USP13: variants seen among roughly 807,000 people sequenced by gnomAD.
USP13 encodes ubiquitin specific peptidase 13.
A neutral mutation model predicts 107.8 loss-of-function variants in USP13; 68 were observed. The observed-to-expected ratio is 0.63, with a 90% confidence interval of 0.52 to 0.77. The LOEUF (loss-of-function observed/expected upper bound fraction) is 0.77. Among genes scored for constraint, USP13 ranks in the 30% least tolerant of loss-of-function variants. The probability of loss-of-function intolerance (pLI) is 0.00; values close to 1 mark genes in which losing one functional copy is unlikely to be tolerated. For synonymous variants in USP13, 377 were observed against 389.5 expected (o/e 0.97, Z 0.38); for missense variants, 945 against 1,093.3 (o/e 0.86, Z 1.91).
intron 6 of USP13, among the ~76,000 whole-genome samples, chr3:179,719,060 C>T (rs1232496414): frequency 6.6e-6 from 1 of 152,182 alleles, no homozygotes; most frequent in Non-Finnish European, 1.5e-5. Context: ...GAAGCTACTG[C>T]TTTGAGTCCA....
At chr3:179,781,506 A>G (rs1224151733) in intron 19 of USP13, among the ~76,000 whole-genome samples, 1 of 150,894 alleles carries the variant, frequency 6.6e-6, no homozygotes, top group Non-Finnish European at 1.5e-5. Flanking sequence ...ATTTGAATTT[A>G]ACATCAGCTG....
chr3:179,754,875 A>G, intron 15 of USP13, 21 bp downstream of exon 15: 1 of 1,603,360 alleles, frequency 6.2e-7, no homozygotes, highest in Non-Finnish European at 8.5e-7. Context: ...CTGCCAGGAG[A>G]ATATGCGCTA....
At chr3:179,696,054 GT>G (rs1423095960) in intron 3 of USP13, among the ~76,000 whole-genome samples, 1 of 151,944 alleles carries the variant, frequency 6.6e-6, no homozygotes, top group Non-Finnish European at 1.5e-5. Context: ...TAAAGCTGGA[GT>G]TTTTTTTAGT....
chr3:179,747,098 C>G (rs1473771123), intron 13 of USP13, among the ~76,000 whole-genome samples: 1 of 152,086 alleles, frequency 6.6e-6, no homozygotes, highest in Non-Finnish European at 1.5e-5. Flanking sequence ...CCTAGGACTG[C>G]TCAGTTGTAG....
intron 6 of USP13, among the ~76,000 whole-genome samples, chr3:179,713,993 T>G (rs1028329482): frequency 6.6e-6 from 1 of 152,132 alleles, no homozygotes; most frequent in Admixed American, 6.5e-5. Flanking sequence ...TGGGTCCCCA[T>G]GGGTACAGCA....
intron 4 of USP13, among the ~76,000 whole-genome samples, chr3:179,706,027 T>G (rs1712701033): frequency 6.6e-6 from 1 of 152,126 alleles, no homozygotes; most frequent in Admixed American, 6.5e-5. Flanking sequence ...CCGGCCCCAT[T>G]TTTTTGATTA....
intron 17 of USP13, among the ~76,000 whole-genome samples, chr3:179,761,762 A>G (rs2108535470): frequency 6.6e-6 from 1 of 152,244 alleles, no homozygotes; most frequent in Non-Finnish European, 1.5e-5. Flanking sequence ...AAAAACCCCA[A>G]ACAGCTTTAT....
chr3:179,704,646 G>A (rs1382577901), intron 4 of USP13, among the ~76,000 whole-genome samples: 3 of 152,204 alleles, frequency 2.0e-5, no homozygotes, highest in African/African-American at 4.8e-5. Context: ...CCTGGAAGGG[G>A]CTTGTGGTGA....
intron 20 of USP13, among the ~76,000 whole-genome samples, chr3:179,782,316 C>G (rs2108558376): frequency 6.6e-6 from 1 of 152,326 alleles, no homozygotes; most frequent in Non-Finnish European, 1.5e-5. Context: ...ACCTGATACT[C>G]AGATGTAACT....
chr3:179,775,512 G>A (rs944522855), intron 19 of USP13, among the ~76,000 whole-genome samples: 9 of 152,390 alleles, frequency 5.9e-5, no homozygotes, highest in East Asian at 3.9e-4. Context: ...TCCGCGCCAC[G>A]CGCCTGCACT....
At chr3:179,728,427 G>C (rs1026126736) in intron 8 of USP13, among the ~76,000 whole-genome samples, 3 of 150,124 alleles carry the variant, frequency 2.0e-5, no homozygotes, top group South Asian at 2.1e-4. Flanking sequence ...ATGTGATGGC[G>C]GCCGGGAAGA....
intron 19 of USP13, among the ~76,000 whole-genome samples, chr3:179,769,818 C>G (rs1471118352): frequency 6.6e-6 from 1 of 152,222 alleles, no homozygotes; most frequent in Non-Finnish European, 1.5e-5. Flanking sequence ...CTCCTTCCAT[C>G]CCTTCCTTCT....
intron 14 of USP13, among the ~76,000 whole-genome samples, chr3:179,754,343 C>T (rs569278663): frequency 6.6e-6 from 1 of 152,334 alleles, no homozygotes; most frequent in African/African-American, 2.4e-5. Context: ...GAATGTGCTA[C>T]AGCTTTATGC....
At chr3:179,732,635 T>G (rs6780889) in intron 10 of USP13, among the ~76,000 whole-genome samples, 1,652 of 151,782 alleles carry the variant, frequency 0.011, 17 homozygotes, top group Middle Eastern at 0.058. Flanking sequence ...TGACCGTTTC[T>G]GTGCTCTTGG....
At chr3:179,729,775 G>A (rs949171788) in intron 8 of USP13, among the ~76,000 whole-genome samples, 2 of 152,164 alleles carry the variant, frequency 1.3e-5, no homozygotes, top group African/African-American at 4.8e-5. Context: ...CCTGGCCTCT[G>A]TACCACTGTC....
chr3:179,706,824 T>G, intron 4 of USP13, 110 bp from the exon 5 acceptor site: 1 of 1,279,300 alleles, frequency 7.8e-7, no homozygotes, highest in Non-Finnish European at 1.1e-6. Context: ...AACTACGCTG[T>G]TTGCGTTTCT....
intron 4 of USP13, 55 bp from the exon 5 acceptor site, chr3:179,706,879 A>T: frequency 6.5e-7 from 1 of 1,544,608 alleles, no homozygotes; most frequent in Non-Finnish European, 8.7e-7. Context: ...ATTCACTAGC[A>T]AATCGTTATT....
At chr3:179,720,347 C>T (rs62290382) in intron 7 of USP13, among the ~76,000 whole-genome samples, 3 of 152,114 alleles carry the variant, frequency 2.0e-5, no homozygotes, top group Non-Finnish European at 4.4e-5. Context: ...GTTCGCGAAA[C>T]GCAGATGGTG....
At chr3:179,747,568 A>G (rs900610508) in intron 13 of USP13, among the ~76,000 whole-genome samples, 1 of 152,190 alleles carries the variant, frequency 6.6e-6, no homozygotes, top group Non-Finnish European at 1.5e-5. Context: ...GTGTCCTGCT[A>G]GGAAGCAGCC....
Sources: allele counts gnomAD v4.1 joint callset (sites outside exome capture counted in the v4.1 genomes callset), GRCh38; gene constraint gnomAD v4.1.1; transcripts MANE v1.5; gene names NCBI Gene and HGNC (gene_info 2026-07-23, HGNC 2026-07-21).